ADD3: variants seen among roughly 807,000 people sequenced by gnomAD.
ADD3 encodes gamma-adducin.
ADD3 carries 25 observed loss-of-function variants against 80.2 expected under a neutral mutation model. That is an observed-to-expected ratio of 0.31 (90% CI 0.23 to 0.44). The LOEUF (loss-of-function observed/expected upper bound fraction) is 0.44, where lower values mean the gene tolerates loss of function less well. Among genes scored for constraint, ADD3 ranks in the 20% least tolerant of loss-of-function variants. The probability of loss-of-function intolerance (pLI) is 1.00; values close to 1 mark genes in which losing one functional copy is unlikely to be tolerated. For synonymous variants in ADD3, 284 were observed against 289.6 expected (o/e 0.98, Z 0.20); for missense variants, 829 against 847.5 (o/e 0.98, Z 0.27).
Position 110,107,567 on chromosome 10 carries a change from C to T in ADD3, c.196-5210C>T, listed in dbSNP as rs906881275. On this transcript the variant is annotated intron_variant, in intron 2 of 14. Coordinates refer to ENST00000356080, the MANE Select transcript of ADD3 (RefSeq NM_016824.5). ...TAAGTTAGGAGTCAGTACATTTTCT[C>T]ATCATTGCCCATTTTGTTTACACAA... Among the ~76,000 whole-genome samples the T allele has an allele frequency of 4.6e-5, 7 of 152,128 alleles. No individual in the cohort carries two copies. In the East Asian group the frequency reaches 5.8e-4, roughly 13 times the overall value.
At chr10:110,045,679 TAA>T (rs1034572544) in intron 1 of ADD3, among the ~76,000 whole-genome samples, 5 of 152,298 alleles carry the variant, frequency 3.3e-5, no homozygotes, top group Admixed American at 2.6e-4. Flanking sequence ...TTTACCACCA[TAA>T]AATATACACA....
At chr10:110,125,774 C>A in intron 10 of ADD3, 52 bp from the exon 11 acceptor site, 1 of 1,413,648 alleles carries the variant, frequency 7.1e-7, no homozygotes, top group Non-Finnish European at 9.7e-7. Flanking sequence ...TAACAATCTA[C>A]TAATATTTTC....
At chr10:110,022,645 A>C (rs74154963) in intron 1 of ADD3, among the ~76,000 whole-genome samples, 1,615 of 152,332 alleles carry the variant, frequency 0.011, 32 homozygotes, top group African/African-American at 0.038. Flanking sequence ...TGTGAACCAG[A>C]CAAAAACCTT....
rs573807395 is a variant in ADD3, at chr10:110,037,047, C to G, written c.-30+28748C>G. 7.8e-4 allele frequency among the ~76,000 whole-genome samples: 118 copies of G among 152,198 alleles called. 1 individual carries two copies. Among genetic ancestry groups the G allele is most frequent in the African/African-American group, 2.8e-3 (115 of 41,528 alleles). On this transcript the variant is annotated intron_variant, in intron 1 of 14. Transcript: ENST00000356080. ...TGGGTTTTCTAGGATATGGAGCATT[C>G]TGGGAGGACTAGGTATATCATAAGA...
chr10:110,113,477 T>G (rs932930357), intron 3 of ADD3, among the ~76,000 whole-genome samples: 40 of 152,086 alleles, frequency 2.6e-4, no homozygotes, highest in African/African-American at 8.2e-4. Context: ...CCATGTTGGT[T>G]AGGCTGGTCT....
intron 1 of ADD3, among the ~76,000 whole-genome samples, chr10:110,014,162 C>T (rs1852652639): frequency 6.6e-6 from 1 of 152,154 alleles, no homozygotes; most frequent in Non-Finnish European, 1.5e-5. Flanking sequence ...CAAGGCCTCC[C>T]CAGGGACTTC....
At chr10:110,015,049 A>G (rs10884920) in intron 1 of ADD3, among the ~76,000 whole-genome samples, 96,844 of 151,570 alleles carry the variant, frequency 0.64, 36,576 homozygotes, top group Non-Finnish European at 0.83. Flanking sequence ...AATTTTTTGT[A>G]TTTTTAGTAG....
chr10:110,071,367 A>C (rs1024436868), intron 1 of ADD3, among the ~76,000 whole-genome samples: 3 of 152,232 alleles, frequency 2.0e-5, no homozygotes, highest in Admixed American at 2.0e-4. Flanking sequence ...ACAGTAATGT[A>C]TACTTAAATT....
intron 1 of ADD3, among the ~76,000 whole-genome samples, chr10:110,047,675 A>C (rs1255303116): frequency 6.6e-6 from 1 of 152,214 alleles, no homozygotes; most frequent in Non-Finnish European, 1.5e-5. Context: ...TTAGGAAAAT[A>C]AGGAAAGATA....
chr10:110,081,578 G>A (rs1393510921), intron 1 of ADD3, among the ~76,000 whole-genome samples: 1 of 152,172 alleles, frequency 6.6e-6, no homozygotes, highest in East Asian at 1.9e-4. Flanking sequence ...AGGCTCTGCT[G>A]GTGACACCAG....
At chr10:110,003,302 G>GGGGGGGTGTGTGTGTGTGTGT (rs140966434), upstream of ADD3, among the ~76,000 whole-genome samples, 43 of 147,028 alleles carry the variant, frequency 2.9e-4, no homozygotes, top group African/African-American at 1.0e-3. Context: ...GAACAGTAAG[G>GGGGGGGTGTGTGTGTGTGTGT]GTGTGTGTGT....
chr10:110,126,294 G>T (rs535504469), intron 11 of ADD3, 123 bp from the exon 12 acceptor site: 86 of 699,384 alleles, frequency 1.2e-4, no homozygotes, highest in Non-Finnish European at 1.8e-4. Context: ...CTTTATGGAG[G>T]TGGGAATTGA....
chr10:110,063,735 C>CA (rs1564913577), intron 1 of ADD3, among the ~76,000 whole-genome samples: 1,194 of 51,950 alleles, frequency 0.023, 64 homozygotes, highest in African/African-American at 0.079. Flanking sequence ...TATATATATT[C>CA]ATTATATATA....
intron 3 of ADD3, among the ~76,000 whole-genome samples, chr10:110,113,417 G>A (rs181524007): frequency 1.2e-4 from 18 of 152,158 alleles, no homozygotes; most frequent in African/African-American, 2.7e-4. Context: ...ACAGGTGCGC[G>A]CCACCACGCC....
At chr10:110,114,942 T>G (rs1047762967) in intron 3 of ADD3, among the ~76,000 whole-genome samples, 4 of 151,700 alleles carry the variant, frequency 2.6e-5, no homozygotes, top group African/African-American at 9.7e-5. Flanking sequence ...TAGCCAGGTG[T>G]GGCAGCATGC....
upstream of ADD3, among the ~76,000 whole-genome samples, chr10:110,002,663 A>G (rs554185630): frequency 6.6e-6 from 1 of 152,146 alleles, no homozygotes; most frequent in Non-Finnish European, 1.5e-5. Context: ...TATTTGTAGC[A>G]GTTGTTTGCA....
intron 1 of ADD3, among the ~76,000 whole-genome samples, chr10:110,021,074 G>A (rs1853616912): frequency 6.6e-6 from 1 of 152,118 alleles, no homozygotes; most frequent in South Asian, 2.1e-4. Flanking sequence ...TAATCCCTTT[G>A]ATGACTAGAA....
intron 1 of ADD3, among the ~76,000 whole-genome samples, chr10:110,065,428 T>TCAG (rs1226091360): frequency 6.6e-6 from 1 of 151,616 alleles, no homozygotes. Flanking sequence ...TATTTCCTCT[T>TCAG]CAGGAACTTT....
At chr10:110,113,389 T>G (rs1850299769) in intron 3 of ADD3, among the ~76,000 whole-genome samples, 2 of 152,146 alleles carry the variant, frequency 1.3e-5, no homozygotes, top group South Asian at 4.1e-4. Context: ...TGCCTCAGCC[T>G]CCTGAGTAGC....
Sources: gnomAD v4.1 joint callset for allele counts (sites outside exome capture counted in the v4.1 genomes callset) on GRCh38, gnomAD v4.1.1 for gene constraint, MANE v1.5 for transcripts, NCBI Gene and HGNC (gene_info 2026-07-23, HGNC 2026-07-21) for gene names.